Variants in GRID2 observed in about 807,000 individuals in gnomAD.
GRID2 encodes the protein glutamate ionotropic receptor delta type subunit 2, also known as glutamate receptor ionotropic, delta-2.
GRID2 carries 33 observed loss-of-function variants against 114.8 expected under a neutral mutation model. That is an observed-to-expected ratio of 0.29 (90% CI 0.22 to 0.38). The LOEUF is 0.38. Among genes scored for constraint, GRID2 ranks in the 10% least tolerant of loss-of-function variants. The pLI, the probability that GRID2 is intolerant of heterozygous loss-of-function variation, is 1.00. For synonymous variants in GRID2, 505 were observed against 449.9 expected, an observed-to-expected ratio of 1.12 and a Z score of -1.55; for missense variants, 1,184 against 1,257.7, an observed-to-expected ratio of 0.94 and a Z score of 0.89.
intron 14 of GRID2, 112 bp downstream of exon 14, chr4:93,626,547 C>T (rs1742752370): frequency 1.6e-6 from 1 of 628,004 alleles, no homozygotes; most frequent in Admixed American, 2.9e-5. Flanking sequence ...AGGAGAAGCA[C>T]AATAAACAAC....
intron 13 of GRID2, among the ~76,000 whole-genome samples, chr4:93,528,408 A>C (rs1403414269): frequency 6.6e-6 from 1 of 150,976 alleles, no homozygotes; most frequent in Non-Finnish European, 1.5e-5. Context: ...AATGCACAAG[A>C]GTTCCATTTT....
chr4:93,135,474 A>T (rs761089455), intron 4 of GRID2, among the ~76,000 whole-genome samples: 33 of 152,278 alleles, frequency 2.2e-4, no homozygotes, highest in Non-Finnish European at 4.1e-4. Flanking sequence ...ATACTTTTTC[A>T]CTTTTTAAAA....
At chr4:93,163,777 G>A (rs62308255) in intron 4 of GRID2, among the ~76,000 whole-genome samples, 22,491 of 151,794 alleles carry the variant, frequency 0.15, 2,679 homozygotes, top group African/African-American at 0.32. Context: ...TGGAAAATAA[G>A]TTTGGGCAGA....
intron 8 of GRID2, among the ~76,000 whole-genome samples, chr4:93,373,513 C>G (rs566058960): frequency 5.3e-5 from 8 of 152,164 alleles, no homozygotes; most frequent in Admixed American, 5.2e-4. Flanking sequence ...TGTTATCACC[C>G]ATAGACAAGA....
intron 8 of GRID2, among the ~76,000 whole-genome samples, chr4:93,291,588 A>G (rs1020929682): frequency 6.6e-6 from 1 of 152,224 alleles, no homozygotes; most frequent in Non-Finnish European, 1.5e-5. Context: ...GGGCTTTTTA[A>G]CACTGATAAA....
At chr4:92,883,869 A>C (rs1746188839) in intron 2 of GRID2, among the ~76,000 whole-genome samples, 1 of 152,180 alleles carries the variant, frequency 6.6e-6, no homozygotes. Context: ...GTTAGTATAA[A>C]TTTACTGGAT....
At chr4:93,295,585 T>TTCCTCC (rs377733265) in intron 8 of GRID2, among the ~76,000 whole-genome samples, 3 of 151,474 alleles carry the variant, frequency 2.0e-5, no homozygotes, top group African/African-American at 7.3e-5. Context: ...ATATCTCCTC[T>TTCCTCC]TCCTCCTCCT....
intron 2 of GRID2, among the ~76,000 whole-genome samples, chr4:92,925,740 T>C (rs1260771674): frequency 6.6e-6 from 1 of 152,020 alleles, no homozygotes; most frequent in Non-Finnish European, 1.5e-5. Context: ...CCCAAAGTTA[T>C]ATTTGATAGT....
chr4:92,611,146 ATGTGTGTG>A (rs57724105), intron 2 of GRID2, among the ~76,000 whole-genome samples: 32 of 136,126 alleles, frequency 2.4e-4, no homozygotes, highest in African/African-American at 7.8e-4. Flanking sequence ...GTGTGTGTGC[ATGTGTGTG>A]TGTGTGTGTG....
intron 14 of GRID2, among the ~76,000 whole-genome samples, chr4:93,669,233 T>C (rs1253059844): frequency 6.6e-6 from 1 of 152,050 alleles, no homozygotes; most frequent in African/African-American, 2.4e-5. Context: ...ACTTTCTATA[T>C]GAGACAATTT....
At chr4:93,185,589 C>T (rs2149440715) in intron 4 of GRID2, among the ~76,000 whole-genome samples, 1 of 152,102 alleles carries the variant, frequency 6.6e-6, no homozygotes, top group Non-Finnish European at 1.5e-5. Flanking sequence ...TTATATATCT[C>T]TTAAAAAATG....
At chr4:92,374,521 G>A (rs1729266826) in intron 1 of GRID2, among the ~76,000 whole-genome samples, 1 of 152,066 alleles carries the variant, frequency 6.6e-6, no homozygotes, top group Admixed American at 6.6e-5. Context: ...TATGTTCTCA[G>A]GACCTCCTGA....
rs1418353530 is a variant in GRID2, at chr4:92,657,265, A to T, written c.244+66979A>T. Among the ~76,000 whole-genome samples, 6 of 151,640 alleles carry T rather than the reference A, an allele frequency of 4.0e-5. 1 individual carries two copies. The East Asian group carries it at 1.2e-3, about 29-fold the overall frequency. Reference sequence around the variant, plus strand: ...AATCATTTACTTGGATTCTTATTGTACTTATTTGTGACTTCATAGTGTCTG... The same window carrying T: ...AATCATTTACTTGGATTCTTATTGTTCTTATTTGTGACTTCATAGTGTCTG... On this transcript the variant is annotated intron_variant, in intron 2 of 15. Coordinates refer to ENST00000282020, the MANE Select transcript of GRID2 (RefSeq NM_001510.4).
intron 2 of GRID2, among the ~76,000 whole-genome samples, chr4:93,057,982 A>G (rs1727420996): frequency 6.6e-6 from 1 of 151,570 alleles, no homozygotes; most frequent in South Asian, 2.1e-4. Context: ...GTCATGCTGT[A>G]AAATTCAGAC....
At chr4:93,545,027 C>T (rs1733073491) in intron 13 of GRID2, among the ~76,000 whole-genome samples, 2 of 152,138 alleles carry the variant, frequency 1.3e-5, no homozygotes, top group South Asian at 4.1e-4. Context: ...TAATCACTCA[C>T]TTCTTTATAA....
chr4:93,022,474 G>A (rs1323295256), intron 2 of GRID2, among the ~76,000 whole-genome samples: 1 of 151,784 alleles, frequency 6.6e-6, no homozygotes, highest in Non-Finnish European at 1.5e-5. Context: ...TCGCTATTAT[G>A]AACAATGTTG....
intron 13 of GRID2, among the ~76,000 whole-genome samples, chr4:93,584,710 A>G (rs1737358111): frequency 6.6e-6 from 1 of 152,154 alleles, no homozygotes; most frequent in Non-Finnish European, 1.5e-5. Context: ...CATTTGCTCC[A>G]TTCCTAAAGA....
chr4:92,945,231 C>G (rs1285515064), intron 2 of GRID2, among the ~76,000 whole-genome samples: 2 of 152,216 alleles, frequency 1.3e-5, no homozygotes, highest in African/African-American at 2.4e-5. Flanking sequence ...TTATTCTACT[C>G]TCTTGATTGA....
chr4:93,693,372 CA>C (rs1291121999), intron 14 of GRID2, among the ~76,000 whole-genome samples: 2 of 152,094 alleles, frequency 1.3e-5, no homozygotes, highest in African/African-American at 2.4e-5. Context: ...TCCGCAAGCA[CA>C]AATATACATC....
Sources: gnomAD v4.1 joint callset for allele counts (sites outside exome capture counted in the v4.1 genomes callset) on GRCh38, gnomAD v4.1.1 for gene constraint, MANE v1.5 for transcripts, NCBI Gene and HGNC (gene_info 2026-07-23, HGNC 2026-07-21) for gene names.